The following ZFYVE1 variants were observed in gnomAD, a reference collection of about 807,000 sequenced individuals.
ZFYVE1 encodes zinc finger FYVE domain-containing protein 1.
In ZFYVE1, 30 loss-of-function variants were observed where a neutral mutation model predicts 74.4. That is an observed-to-expected ratio of 0.40 (90% CI 0.30 to 0.55). The LOEUF (loss-of-function observed/expected upper bound fraction) is 0.55. Ranked by LOEUF, ZFYVE1 falls within the 20% of genes least tolerant of loss-of-function variation. ZFYVE1 has a pLI of 0.42. For synonymous variants in ZFYVE1, 335 were observed against 385.1 expected, an observed-to-expected ratio of 0.87 and a Z score of 1.52; for missense variants, 703 against 1,011.6, an observed-to-expected ratio of 0.69 and a Z score of 4.14.
At chr14:73,017,893 T>C (rs1293691512) in intron 2 of ZFYVE1, among the ~76,000 whole-genome samples, 1 of 152,194 alleles carries the variant, frequency 6.6e-6, no homozygotes, top group East Asian at 1.9e-4. Flanking sequence ...CATAAAGCAG[T>C]CTGGTGTCTC....
rs564543750 is a variant in ZFYVE1 at position 72,991,427 on chromosome 14, G to A, written c.1203+1716C>T. ...GATGGTCTCGATCTCCTGACCTCGTGATCCGCCCGCCTCGGCTTCCCAAAG... is the reference window on the plus strand; with the variant it reads ...GATGGTCTCGATCTCCTGACCTCGTAATCCGCCCGCCTCGGCTTCCCAAAG... On this transcript the variant is annotated intron_variant, in intron 4 of 11. Coordinates refer to ENST00000556143, the MANE Select transcript of ZFYVE1 (RefSeq NM_021260.4). Among the ~76,000 whole-genome samples the A allele has an allele frequency of 3.9e-5, 6 of 152,210 alleles. No individual in the cohort carries two copies. The East Asian group carries it at 9.7e-4, about 25-fold the overall frequency.
rs1400375411 is a variant in ZFYVE1 at position 72,992,631 on chromosome 14, G to A, written c.1203+512C>T. Among the ~76,000 whole-genome samples, 40 of 56,276 alleles carry A rather than the reference G, an allele frequency of 7.1e-4. 1 individual carries two copies. Among genetic ancestry groups the A allele is most frequent in the African/African-American group, 2.1e-3 (29 of 13,624 alleles). The allele number at this position is 56,276 out of a possible 152,430, so 36.9% of individuals were successfully genotyped here. Reference sequence around the variant, plus strand: ...CATTCAGGTGCCCCCCCCGCCCCTTGCAAGAGAGAGAGAGCTGTTCTTTCT... The same window carrying A: ...CATTCAGGTGCCCCCCCCGCCCCTTACAAGAGAGAGAGAGCTGTTCTTTCT... On this transcript the variant is annotated intron_variant, in intron 4 of 11. Transcript: ENST00000556143.
At chr14:72,981,688 G>T in intron 5 of ZFYVE1, 101 bp downstream of exon 5, 1 of 1,085,346 alleles carries the variant, frequency 9.2e-7, no homozygotes, top group Non-Finnish European at 1.4e-6. Context: ...AATTTAGCAA[G>T]ATCCCAGGGG....
At chr14:72,971,385 G>C (rs1893032021) in intron 11 of ZFYVE1, among the ~76,000 whole-genome samples, 1 of 152,040 alleles carries the variant, frequency 6.6e-6, no homozygotes. Flanking sequence ...CGCCCAGGTT[G>C]GAGTGCAGTA....
chr14:73,001,034 T>C lies in ZFYVE1; in HGVS notation c.484-2719A>G, dbSNP rs144714558. On this transcript the variant is annotated intron_variant, in intron 2 of 11. Transcript: ENST00000556143. ...CCTTGATTGTTTTCTGTCATGACTG[T>C]GCCACTTCCTCCTTTCAGTCTTCCT... is the stretch of plus-strand genomic sequence containing the variant. 7.0e-3 allele frequency among the ~76,000 whole-genome samples: 1,062 copies of C among 152,360 alleles called. 10 individuals carry two copies. Among genetic ancestry groups the C allele is most frequent in the Non-Finnish European group, 1.0e-2 (680 of 68,044 alleles).
intron 4 of ZFYVE1, among the ~76,000 whole-genome samples, chr14:72,983,510 G>A (rs926880440): frequency 2.0e-5 from 3 of 151,778 alleles, no homozygotes; most frequent in Non-Finnish European, 4.4e-5. Context: ...CTTCATCCAT[G>A]TCCCTACAAA....
chr14:73,004,326 G>A (rs539075657), intron 2 of ZFYVE1, among the ~76,000 whole-genome samples: 6 of 152,148 alleles, frequency 3.9e-5, no homozygotes, highest in African/African-American at 1.2e-4. Context: ...ACTCTGTCGC[G>A]ACTCTTTACA....
At chr14:72,999,622 T>C (rs1893826826) in intron 2 of ZFYVE1, among the ~76,000 whole-genome samples, 2 of 151,490 alleles carry the variant, frequency 1.3e-5, no homozygotes, top group South Asian at 4.2e-4. Context: ...GAAGAAAACA[T>C]TTGTAGATCA....
intron 2 of ZFYVE1, among the ~76,000 whole-genome samples, chr14:73,013,022 C>T (rs968958940): frequency 6.6e-6 from 1 of 152,136 alleles, no homozygotes; most frequent in African/African-American, 2.4e-5. Flanking sequence ...TCTGTAACTT[C>T]ATGCCAGAAC....
intron 2 of ZFYVE1, among the ~76,000 whole-genome samples, chr14:73,018,330 C>A (rs769495298): frequency 6.9e-6 from 1 of 145,202 alleles, no homozygotes; most frequent in African/African-American, 2.6e-5. Context: ...ACTTGGGAGG[C>A]GGAGGAAGGA....
rs986061517 is a variant in ZFYVE1, at chr14:73,018,936, T to C, written c.483+5090A>G. Among the ~76,000 whole-genome samples the C allele has an allele frequency of 5.7e-5, 8 of 140,974 alleles. No homozygotes were observed. In the South Asian group the frequency reaches 6.6e-4, roughly 12 times the overall value. The allele number at this position is 140,974 out of a possible 152,430, so 92.5% of individuals were successfully genotyped here. A position where few individuals can be genotyped will look rare whatever the true frequency, so the allele number is the denominator to read the frequency against. ...TCCAGCCTGGGTGACAGAGACTCCA[T>C]CTCAAAAAAAAAAAAAAAAAGTTCC... On this transcript the variant is annotated intron_variant, in intron 2 of 11. Coordinates refer to ENST00000556143, the MANE Select transcript of ZFYVE1 (RefSeq NM_021260.4).
intron 2 of ZFYVE1, among the ~76,000 whole-genome samples, chr14:73,005,666 C>G (rs551356297): frequency 6.6e-6 from 1 of 152,220 alleles, no homozygotes; most frequent in African/African-American, 2.4e-5. Flanking sequence ...CGACACTCAG[C>G]GGACTAAAAG....
chr14:73,018,371 C>A (rs549960783), intron 2 of ZFYVE1, among the ~76,000 whole-genome samples: 2 of 137,648 alleles, frequency 1.5e-5, no homozygotes, highest in East Asian at 4.4e-4. Context: ...GCGGAGGTTG[C>A]AGTGAGGTGA....
Position 72,975,060 on chromosome 14 carries a change from C to CCACCTGCCTT in ZFYVE1, c.1807-102_1807-101insAAGGCAGGTG. The CCACCTGCCTT allele has an allele frequency of 7.4e-7, 1 of 1,346,768 alleles. No homozygotes were observed. The highest frequency in any genetic ancestry group is 1.0e-6 in the Non-Finnish European group (1 of 996,194). The allele number at this position is 1,346,768 out of a possible 1,614,324, so 83.4% of individuals were successfully genotyped here. A position where few individuals can be genotyped will look rare whatever the true frequency, so the allele number is the denominator to read the frequency against. On this transcript the variant is annotated intron_variant, in intron 9 of 11. Coordinates refer to ENST00000556143, the MANE Select transcript of ZFYVE1 (RefSeq NM_021260.4). The surrounding 1 kb of genome is among the most constrained non-coding windows in gnomAD (Gnocchi z 4.1). ...ACCCCGGAGCAAGCAGAAACTAAGGCAGGTGGCGTTAGCTCAACAAGGACA... is the reference window on the plus strand; with the variant it reads ...ACCCCGGAGCAAGCAGAAACTAAGGCCACCTGCCTTAGGTGGCGTTAGCTCAACAAGGACA...
At chr14:72,989,788 AC>A (rs1893565120) in intron 4 of ZFYVE1, among the ~76,000 whole-genome samples, 2 of 151,976 alleles carry the variant, frequency 1.3e-5, no homozygotes, top group Admixed American at 1.3e-4. Flanking sequence ...ACAGAGCAAG[AC>A]CCTGTCTCAA....
chr14:73,019,071 ACAGT>A (rs1225244396), intron 2 of ZFYVE1, among the ~76,000 whole-genome samples: 1 of 152,226 alleles, frequency 6.6e-6, no homozygotes, highest in African/African-American at 2.4e-5. Context: ...TCTGAGACCA[ACAGT>A]CAGTCTCTTC....
chr14:72,997,676 G>T, intron 3 of ZFYVE1, 135 bp downstream of exon 3: 2 of 1,214,852 alleles, frequency 1.6e-6, no homozygotes, highest in Non-Finnish European at 2.3e-6. Flanking sequence ...CATCCTCCTT[G>T]AAACACTTTC....
At chr14:72,976,066 G>A (rs1430188099) in intron 8 of ZFYVE1, 5 of 224,622 alleles carry the variant, frequency 2.2e-5, no homozygotes, top group Non-Finnish European at 4.4e-5. Flanking sequence ...GTGTGTCTAA[G>A]TACAATATCC....
intron 4 of ZFYVE1, among the ~76,000 whole-genome samples, chr14:72,982,676 T>TC (rs1893365712): frequency 6.6e-6 from 1 of 152,160 alleles, no homozygotes; most frequent in Admixed American, 6.5e-5. Flanking sequence ...AGCTTCTAAC[T>TC]TTCAGTCCAG....
Sources: gnomAD v4.1 joint callset for allele counts (sites outside exome capture counted in the v4.1 genomes callset) on GRCh38, gnomAD v4.1.1 for gene constraint, Gnocchi (gnomAD v3.1) non-coding constraint, MANE v1.5 for transcripts, NCBI Gene and HGNC (gene_info 2026-07-23, HGNC 2026-07-21) for gene names.